GREB1L: variants seen among roughly 807,000 people sequenced by gnomAD.
GREB1L encodes the protein GREB1 like retinoic acid receptor coactivator.
GREB1L carries 17 observed loss-of-function variants against 200.8 expected under a neutral mutation model. The observed-to-expected ratio is 0.08, with a 90% CI of 0.06 to 0.13. The LOEUF (loss-of-function observed/expected upper bound fraction) is 0.13. GREB1L is among the 10% of genes least tolerant of loss of function. GREB1L has a pLI of 1.00. For missense variants in GREB1L, 1,657 were observed against 2,367.7 expected, an observed-to-expected ratio of 0.70 and a Z score of 6.23; for synonymous variants, 789 against 893.0, an observed-to-expected ratio of 0.88 and a Z score of 2.08.
intron 1 of GREB1L, among the ~76,000 whole-genome samples, chr18:21,252,365 C>T (rs146260093): frequency 0.015 from 2,248 of 151,856 alleles, 58 homozygotes; most frequent in African/African-American, 0.051. Context: ...CGAGACCAGC[C>T]TAACCAACAT....
intron 7 of GREB1L, among the ~76,000 whole-genome samples, chr18:21,425,622 G>A (rs867105012): frequency 6.6e-5 from 10 of 152,284 alleles, no homozygotes; most frequent in South Asian, 6.2e-4. Flanking sequence ...GTTTTGATTT[G>A]CATTTCTCCA....
At chr18:21,282,501 A>G (rs1311053800) in intron 1 of GREB1L, among the ~76,000 whole-genome samples, 2 of 152,180 alleles carry the variant, frequency 1.3e-5, no homozygotes, top group Admixed American at 6.5e-5. Context: ...TGAAATTTAA[A>G]TTGTGATGAT....
intron 1 of GREB1L, among the ~76,000 whole-genome samples, chr18:21,348,188 G>A (rs1598681667): frequency 6.6e-6 from 1 of 151,548 alleles, no homozygotes; most frequent in East Asian, 2.0e-4. Context: ...CTCGTGTTCC[G>A]CCCGCCTGAG....
At chr18:21,419,887 TTAGA>T (rs145998531) in intron 7 of GREB1L, among the ~76,000 whole-genome samples, 3,395 of 152,248 alleles carry the variant, frequency 0.022, 138 homozygotes, top group African/African-American at 0.078. Context: ...CATACAAAAA[TTAGA>T]TAGGTCATAG....
rs2037624038 is a variant in GREB1L at position 21,522,675 on chromosome 18, A to T, written c.5626A>T (p.Ile1876Phe). The T allele has an allele frequency of 6.4e-7, 1 of 1,551,472 alleles. No homozygotes were observed. Among genetic ancestry groups the T allele is most frequent in the African/African-American group, 1.4e-5 (1 of 73,028 alleles). ...TCCTGAAGGTGCTACACTGTGTGTC[A>T]TCTGCCAAGACAGAAGTTCCTTGCG... ...KFLKGATLCVICQDRSSLRQT... is the reference protein window; with the variant it reads ...KFLKGATLCVFCQDRSSLRQT... Residue 1876 changes from isoleucine (I) to phenylalanine (F), a missense_variant, in exon 33 of 33, where the codon ATC becomes TTC. Physicochemically the swap from Ile to Phe is conservative, Grantham distance 21. Coordinates refer to ENST00000424526, the MANE Select transcript of GREB1L (RefSeq NM_001142966.3).
chr18:21,340,899 T>C (rs2039260789), intron 1 of GREB1L, among the ~76,000 whole-genome samples: 1 of 152,240 alleles, frequency 6.6e-6, no homozygotes, highest in Non-Finnish European at 1.5e-5. Context: ...GAGAAGTGTG[T>C]TCTTCCCATG....
At chr18:21,305,929 G>C (rs747272444) in intron 1 of GREB1L, among the ~76,000 whole-genome samples, 4 of 152,156 alleles carry the variant, frequency 2.6e-5, no homozygotes, top group Non-Finnish European at 5.9e-5. Context: ...ACTTCTTCCT[G>C]TTGTTCAAGT....
In GREB1L at chr18:21,384,252, C is replaced by T; in HGVS notation, c.204C>T (p.Arg68=). 1.3e-6 allele frequency: 2 copies of T among 1,551,388 alleles called. No homozygotes were observed. Among genetic ancestry groups the T allele is most frequent in the South Asian group, 1.2e-5 (1 of 84,046 alleles). The change falls in exon 4 of 33, where the codon CGC becomes CGT. Residue 68 remains arginine, a synonymous_variant. Transcript: ENST00000424526. ...ATCTGGACAAAGATTTGGTAAACCG[C>T]TACACTCAAAATGGAAGTCTGGATT... ...VEDLDKDLVN[R]YTQNGSLDFS...
intron 16 of GREB1L, among the ~76,000 whole-genome samples, chr18:21,476,899 A>T (rs1327166533): frequency 6.6e-6 from 1 of 152,086 alleles, no homozygotes; most frequent in African/African-American, 2.4e-5. Flanking sequence ...TTTAGATATC[A>T]CTGGCCTAAA....
intron 1 of GREB1L, among the ~76,000 whole-genome samples, chr18:21,291,162 C>G (rs560767118): frequency 1.5e-4 from 23 of 152,270 alleles, no homozygotes; most frequent in Non-Finnish European, 2.2e-4. Context: ...CCCACTCCCC[C>G]CAGGCAGTAC....
intron 11 of GREB1L, among the ~76,000 whole-genome samples, chr18:21,449,147 A>G (rs1216650255): frequency 6.6e-6 from 1 of 152,216 alleles, no homozygotes; most frequent in Non-Finnish European, 1.5e-5. Context: ...TTCATTAGTC[A>G]TTAACAATTT....
chr18:21,247,447 T>G (rs1307449028), intron 1 of GREB1L, among the ~76,000 whole-genome samples: 2 of 152,218 alleles, frequency 1.3e-5, no homozygotes, highest in African/African-American at 4.8e-5. Context: ...TTGTCTTCTC[T>G]GTTCCTGGTC....
intron 1 of GREB1L, among the ~76,000 whole-genome samples, chr18:21,266,218 G>A (rs2037965441): frequency 6.6e-6 from 1 of 152,162 alleles, no homozygotes; most frequent in African/African-American, 2.4e-5. Context: ...GCTGGTTACG[G>A]TATCAAAAGA....
intron 7 of GREB1L, among the ~76,000 whole-genome samples, chr18:21,430,550 G>T: frequency 8.6e-6 from 1 of 116,648 alleles, no homozygotes. Flanking sequence ...TGATTGATTT[G>T]GGATCACTCT....
intron 1 of GREB1L, among the ~76,000 whole-genome samples, chr18:21,265,881 C>A (rs2037958407): frequency 6.6e-6 from 1 of 152,044 alleles, no homozygotes; most frequent in South Asian, 2.1e-4. Context: ...TTGGCCCCAA[C>A]ACAGCAATAC....
At chr18:21,330,839 C>T (rs554715453) in intron 1 of GREB1L, among the ~76,000 whole-genome samples, 3 of 152,188 alleles carry the variant, frequency 2.0e-5, no homozygotes, top group East Asian at 3.9e-4. Flanking sequence ...CACTTCCTCC[C>T]GACCTAGATA....
At chr18:21,309,736 G>T (rs1470472876) in intron 1 of GREB1L, among the ~76,000 whole-genome samples, 1 of 151,876 alleles carries the variant, frequency 6.6e-6, no homozygotes, top group African/African-American at 2.4e-5. Flanking sequence ...CCTTCTCTGT[G>T]GGTGAGCAAA....
chr18:21,434,348 CA>C, intron 7 of GREB1L, among the ~76,000 whole-genome samples: 1 of 151,816 alleles, frequency 6.6e-6, no homozygotes, highest in Admixed American at 6.6e-5. Context: ...TGGTGGCGTG[CA>C]CCTGTAGTCC....
intron 1 of GREB1L, among the ~76,000 whole-genome samples, chr18:21,324,954 G>A (rs909088671): frequency 3.3e-5 from 5 of 152,176 alleles, no homozygotes; most frequent in African/African-American, 9.7e-5. Context: ...AAGCAGTTCC[G>A]TATGGCATGG....
Sources: gnomAD v4.1 joint callset for allele counts (sites outside exome capture counted in the v4.1 genomes callset) on GRCh38, gnomAD v4.1.1 for gene constraint, MANE v1.5 for transcripts, NCBI Gene and HGNC (gene_info 2026-07-23, HGNC 2026-07-21) for gene names.